The following UBE4A variants were observed in gnomAD, a reference collection of about 807,000 sequenced individuals.
UBE4A encodes ubiquitin conjugation factor E4 A.
A neutral mutation model predicts 117.9 loss-of-function variants in UBE4A; 48 were observed. That is an observed-to-expected ratio of 0.41 (90% CI 0.32 to 0.52). The LOEUF (loss-of-function observed/expected upper bound fraction) is 0.52, where lower values mean the gene tolerates loss of function less well. Among genes scored for constraint, UBE4A ranks in the 20% least tolerant of loss-of-function variants. The probability of loss-of-function intolerance (pLI) is 0.33; values close to 1 mark genes in which losing one functional copy is unlikely to be tolerated. For synonymous variants in UBE4A, 407 were observed against 450.0 expected, an observed-to-expected ratio of 0.90 and a Z score of 1.21; for missense variants, 1,067 against 1,296.3, an observed-to-expected ratio of 0.82 and a Z score of 2.72.
chr11:118,373,355 G>A (rs1948625082), intron 7 of UBE4A, 67 bp downstream of exon 7: 1 of 1,571,148 alleles, frequency 6.4e-7, no homozygotes, highest in Non-Finnish European at 8.7e-7. Flanking sequence ...TCCCTATCCT[G>A]AAGACACTAT....
intron 10 of UBE4A, among the ~76,000 whole-genome samples, chr11:118,377,294 G>A (rs935177899): frequency 1.3e-5 from 2 of 152,086 alleles, no homozygotes; most frequent in Admixed American, 6.5e-5. Context: ...TGCAACCTCC[G>A]CCTCCTGGGT....
intron 11 of UBE4A, 136 bp from the exon 12 acceptor site, chr11:118,381,255 G>A (rs1354878549): frequency 3.2e-5 from 33 of 1,020,372 alleles, no homozygotes; most frequent in African/African-American, 3.1e-4. Flanking sequence ...TTGACTTAAC[G>A]ACCATCTCTA....
chr11:118,381,913 A>G (rs1289270725), intron 12 of UBE4A, among the ~76,000 whole-genome samples: 1 of 152,216 alleles, frequency 6.6e-6, no homozygotes, highest in African/African-American at 2.4e-5. Context: ...AGTCAATGTT[A>G]TTTCTCATTT....
intron 4 of UBE4A, among the ~76,000 whole-genome samples, chr11:118,370,988 A>G (rs919769700): frequency 4.6e-5 from 7 of 152,180 alleles, no homozygotes; most frequent in African/African-American, 1.4e-4. Flanking sequence ...CCCACCTCCA[A>G]CAGTGCCACA....
rs1555130378 is a variant in UBE4A, at chr11:118,399,108, C to T, written c.*2668C>T. 2 of 454,722 alleles carry T rather than the reference C, an allele frequency of 4.4e-6. No homozygotes were observed. Among genetic ancestry groups the T allele is most frequent in the South Asian group, 1.6e-5 (1 of 64,264 alleles). 28.2% of individuals were successfully genotyped at this position (454,722 alleles called of 1,614,324 possible). A position where few individuals can be genotyped will look rare whatever the true frequency, so the allele number is the denominator to read the frequency against. On this transcript the variant is annotated 3_prime_UTR_variant, in exon 20 of 20. Transcript: ENST00000252108. ...GTTGATTGAAATAAAACTTGATCAA[C>T]GCGACTGTATTTTGAAACATTCCAG...
intron 2 of UBE4A, among the ~76,000 whole-genome samples, chr11:118,365,871 A>G (rs1159730379): frequency 6.6e-6 from 1 of 152,234 alleles, no homozygotes. Context: ...GATCAAGTCC[A>G]GCTTCCTCCT....
chr11:118,375,043 C>G lies in UBE4A; in HGVS notation c.1264C>G (p.Pro422Ala), dbSNP rs782725224. ...GRTKIWANQM[P>A]EIFFQMYASD... Reference sequence around the variant, plus strand: ...CACCAAGATTTGGGCCAATCAGATGCCAGAAATCTTTTTCCAAATGTATGC... The same window carrying G: ...CACCAAGATTTGGGCCAATCAGATGGCAGAAATCTTTTTCCAAATGTATGC... Residue 422 changes from proline to alanine, a missense_variant, in exon 9 of 20, where the codon CCA (proline) becomes GCA (alanine). By Grantham distance (27) the Pro-to-Ala change is conservative. Around this residue, in one of 3 missense-constraint regions of UBE4A, gnomAD observed 1,001 missense variants for 1,184.0 expected, o/e 0.85. Transcript: ENST00000252108. 1 of 1,614,044 alleles carries G rather than the reference C, an allele frequency of 6.2e-7. No homozygotes were observed. The highest frequency in any genetic ancestry group is 8.5e-7 in the Non-Finnish European group (1 of 1,180,028).
intron 9 of UBE4A, among the ~76,000 whole-genome samples, chr11:118,375,567 G>T (rs1948645233): frequency 6.6e-6 from 1 of 151,480 alleles, no homozygotes; most frequent in Non-Finnish European, 1.5e-5. Context: ...CACCATGTTG[G>T]CCAGGATAGT....
chr11:118,371,090 T>A (rs1416329834), intron 4 of UBE4A, among the ~76,000 whole-genome samples: 1 of 152,222 alleles, frequency 6.6e-6, no homozygotes, highest in East Asian at 1.9e-4. Flanking sequence ...ACCTTGCAGG[T>A]GCCTGAGTAA....
In UBE4A at chr11:118,376,626, A is replaced by G. The variant is rs1188596632; in HGVS notation, c.1503A>G (p.Pro501=). ...LIPAVQEPKF[P]QNYNLVTENL... is the part of the protein sequence containing the mutation. ...CAGCTGTGCAGGAGCCGAAGTTTCC[A>G]CAGAACTACAACCTTGTAACAGAGA... Residue 501 remains proline, a synonymous_variant, in exon 10 of 20, where the codon CCA becomes CCG. Coordinates refer to ENST00000252108, the MANE Select transcript of UBE4A (RefSeq NM_001204077.2). 5.0e-6 allele frequency: 8 copies of G among 1,614,004 alleles called. No individual in the cohort carries two copies. The highest frequency in any genetic ancestry group is 6.8e-6 in the Non-Finnish European group (8 of 1,179,996).
chr11:118,396,403 T>G lies in UBE4A; in HGVS notation c.3164T>G (p.Leu1055Arg). ...CTAAAAGAAAAAATCCAACGGTGGC[T>G]TGCAGAGAGGAAACAACAAAAGGAG... Reference protein sequence around the residue: ...TELKEKIQRWLAERKQQKEQL... With the variant: ...TELKEKIQRWRAERKQQKEQL... Residue 1055 changes from leucine to arginine, a missense_variant, in exon 20 of 20, where the codon CTT (leucine) becomes CGT (arginine). Coordinates refer to ENST00000252108, the MANE Select transcript of UBE4A (RefSeq NM_001204077.2). The G allele has an allele frequency of 6.2e-7, 1 of 1,613,980 alleles. No homozygotes were observed. Among genetic ancestry groups the G allele is most frequent in the Non-Finnish European group, 8.5e-7 (1 of 1,179,948 alleles).
At chr11:118,391,436 C>G (rs1211169006) in intron 18 of UBE4A, among the ~76,000 whole-genome samples, 1 of 149,754 alleles carries the variant, frequency 6.7e-6, no homozygotes, top group Non-Finnish European at 1.5e-5. Flanking sequence ...TTGCAGTGAT[C>G]GCAACCACTG....
At chr11:118,379,818 G>A in intron 11 of UBE4A, 68 bp downstream of exon 11, 1 of 1,504,562 alleles carries the variant, frequency 6.6e-7, no homozygotes, top group East Asian at 2.3e-5. Flanking sequence ...CACTTTGGAA[G>A]TTTAATCCTC....
chr11:118,362,925 T>C (rs1469293115), intron 1 of UBE4A, among the ~76,000 whole-genome samples: 1 of 152,202 alleles, frequency 6.6e-6, no homozygotes, highest in Non-Finnish European at 1.5e-5. Flanking sequence ...GTCAACCCCT[T>C]CTGAACTGGT....
chr11:118,396,531 TTCTTC>T lies in UBE4A; in HGVS notation c.*93_*97del. 2 of 1,454,954 alleles carry T rather than the reference TTCTTC, an allele frequency of 1.4e-6. No individual in the cohort carries two copies. Among genetic ancestry groups the T allele is most frequent in the South Asian group, 2.8e-5 (2 of 70,986 alleles). 90.1% of individuals were successfully genotyped at this position (1,454,954 alleles called of 1,614,324 possible). ...CTCTTTCTGGTTCTGTTCCTTTTCT[TTCTTC>T]TTTTCTTTTTCTTTTTTTTTTTTTT... is the stretch of plus-strand genomic sequence containing the variant. On this transcript the variant is annotated 3_prime_UTR_variant, in exon 20 of 20. Transcript: ENST00000252108.
chr11:118,369,244 C>G (rs1336707244), intron 3 of UBE4A, among the ~76,000 whole-genome samples, 179 bp from the exon 4 acceptor site: 1 of 152,036 alleles, frequency 6.6e-6, no homozygotes, highest in Admixed American at 6.6e-5. Context: ...AAATCCCATT[C>G]TCTGTGACTA....
chr11:118,362,443 C>T (rs548172461), intron 1 of UBE4A, among the ~76,000 whole-genome samples: 1 of 152,286 alleles, frequency 6.6e-6, no homozygotes, highest in South Asian at 2.1e-4. Flanking sequence ...GTCTTAAGAG[C>T]TTCTCTGTCA....
rs560125028 is a variant in UBE4A at position 118,365,218 on chromosome 11, A to G, written c.121+17A>G. 1.4e-5 allele frequency: 22 copies of G among 1,575,348 alleles called. No homozygotes were observed. Among genetic ancestry groups the G allele is most frequent in the Non-Finnish European group, 1.8e-5 (21 of 1,161,328 alleles). ...AACAATCTGGTAAGTGGAGGAGCCAATAGCAGCAAATAAGATGACCTAGAA... is the reference window on the plus strand; with the variant it reads ...AACAATCTGGTAAGTGGAGGAGCCAGTAGCAGCAAATAAGATGACCTAGAA... On this transcript the variant is annotated intron_variant, in intron 2 of 19. Coordinates refer to ENST00000252108, the MANE Select transcript of UBE4A (RefSeq NM_001204077.2).
At chr11:118,372,947 A>G in intron 6 of UBE4A, 139 bp from the exon 7 acceptor site, 1 of 874,842 alleles carries the variant, frequency 1.1e-6, no homozygotes, top group Non-Finnish European at 1.7e-6. Context: ...AATAGCCACT[A>G]CACTCCAGGC....
Sources: gnomAD v4.1 joint callset for allele counts (sites outside exome capture counted in the v4.1 genomes callset) on GRCh38, gnomAD v4.1.1 for gene constraint, gnomAD v4.1.1 regional missense constraint, MANE v1.5 for transcripts, NCBI Gene and HGNC (gene_info 2026-07-23, HGNC 2026-07-21) for gene names.